Variants in CNTD1 observed in about 807,000 individuals in gnomAD.
CNTD1 encodes cyclin N-terminal domain-containing protein 1.
Under a neutral mutation model 36.3 loss-of-function variants are expected in CNTD1, and 17 were observed. The observed-to-expected ratio is 0.47, with a 90% CI of 0.32 to 0.70. CNTD1 has a LOEUF of 0.70. Among genes scored for constraint, CNTD1 ranks in the 30% least tolerant of loss-of-function variants. The pLI, the probability that CNTD1 is intolerant of heterozygous loss-of-function variation, is 0.03. For synonymous variants in CNTD1, 128 were observed against 153.3 expected (o/e 0.83, Z 1.22); for missense variants, 338 against 386.1 (o/e 0.88, Z 1.04).
chr17:42,809,222 G>C, intron 6 of CNTD1, 143 bp from the exon 7 acceptor site: 1 of 724,368 alleles, frequency 1.4e-6, no homozygotes, highest in East Asian at 2.7e-5. Flanking sequence ...ATATAATTTG[G>C]CCATTGGCAA....
At chr17:42,806,226 C>CA (rs34561225) in intron 4 of CNTD1, among the ~76,000 whole-genome samples, 10,287 of 129,340 alleles carry the variant, frequency 0.08, 1,108 homozygotes, top group African/African-American at 0.25. Context: ...GACTCCTTCT[C>CA]AAAAAAAAAA....
intron 5 of CNTD1, 24 bp downstream of exon 5, chr17:42,806,842 G>A: frequency 6.2e-7 from 1 of 1,612,094 alleles, no homozygotes; most frequent in Admixed American, 1.7e-5. Context: ...TATAGGGTAG[G>A]CTCCTTCCAG....
At position 42,799,752 on chromosome 17, in the gene CNTD1, C is replaced by CAAAAAAA. The variant is rs780393099; in HGVS notation, c.169+541_169+547dup. On this transcript the variant is annotated intron_variant, in intron 1 of 6. Coordinates refer to ENST00000588408, the MANE Select transcript of CNTD1 (RefSeq NM_173478.3). ...AGACGACAAGAATGAAACTCCGTCTCAAAAAAAAAAAAAAAAAAAAAAAAA... is the reference window on the plus strand; with the variant it reads ...AGACGACAAGAATGAAACTCCGTCTCAAAAAAAAAAAAAAAAAAAAAAAAAAAAAAAA... 2.6e-3 allele frequency among the ~76,000 whole-genome samples: 28 copies of CAAAAAAA among 10,590 alleles called. 5 individuals carry two copies. Among genetic ancestry groups the CAAAAAAA allele is most frequent in the African/African-American group, 5.4e-3 (22 of 4,090 alleles). 6.9% of individuals were successfully genotyped at this position (10,590 alleles called of 152,430 possible).
At chr17:42,807,672 G>A (rs571225077) in intron 5 of CNTD1, 96 bp from the exon 6 acceptor site, 14 of 887,914 alleles carry the variant, frequency 1.6e-5, no homozygotes, top group African/African-American at 3.3e-5. Flanking sequence ...CAAGATGATC[G>A]ACACAAATAA....
intron 1 of CNTD1, among the ~76,000 whole-genome samples, chr17:42,802,540 A>G (rs191121079): frequency 1.3e-5 from 2 of 152,340 alleles, no homozygotes; most frequent in East Asian, 3.9e-4. Flanking sequence ...ACACAATTAT[A>G]TGTTCTAGGG....
intron 6 of CNTD1, among the ~76,000 whole-genome samples, chr17:42,808,383 T>C (rs2054915647): frequency 1.3e-5 from 2 of 151,456 alleles, no homozygotes; most frequent in East Asian, 3.9e-4. Flanking sequence ...GACCTGTCTC[T>C]ACCAAAAATT....
rs117018379 is a variant in CNTD1 at position 42,811,579 on chromosome 17, C to G, written c.*2044C>G. On this transcript the variant is annotated 3_prime_UTR_variant, in exon 7 of 7. Coordinates refer to ENST00000588408, the MANE Select transcript of CNTD1 (RefSeq NM_173478.3). Reference sequence around the variant, plus strand: ...CTTTCCCACCATTTATACTGTTTTGCCTCCATTATTACTGCTGCTTCAATT... The same window carrying G: ...CTTTCCCACCATTTATACTGTTTTGGCTCCATTATTACTGCTGCTTCAATT... 6.5e-7 allele frequency: 1 copy of G among 1,537,322 alleles called. No individual in the cohort carries two copies. The highest frequency in any genetic ancestry group is 8.8e-7 in the Non-Finnish European group (1 of 1,140,342).
chr17:42,801,520 T>A (rs369859312), intron 1 of CNTD1, among the ~76,000 whole-genome samples: 5,492 of 62,988 alleles, frequency 0.087, 381 homozygotes, highest in African/African-American at 0.22. Context: ...AATATATATA[T>A]ATATATATAT....
chr17:42,799,352 C>A, intron 1 of CNTD1, 116 bp downstream of exon 1: 1 of 1,174,014 alleles, frequency 8.5e-7, no homozygotes, highest in Non-Finnish European at 1.2e-6. Flanking sequence ...GCTAACACCT[C>A]TCTGTGGGGT....
intron 6 of CNTD1, 39 bp from the exon 7 acceptor site, chr17:42,809,326 G>T (rs1414557128): frequency 6.4e-7 from 1 of 1,562,378 alleles, no homozygotes; most frequent in East Asian, 2.3e-5. Context: ...AATGTGTTGA[G>T]ATTTTTTAGT....
In CNTD1 at chr17:42,803,067, G is replaced by A. The variant is rs141731200; in HGVS notation, c.170-553G>A. Among the ~76,000 whole-genome samples, 867 of 152,282 alleles carry A rather than the reference G, an allele frequency of 5.7e-3. 8 individuals are homozygous for A. The highest frequency in any genetic ancestry group is 0.019 in the African/African-American group (801 of 41,544). On this transcript the variant is annotated intron_variant, in intron 1 of 6. Transcript: ENST00000588408. ...GGCTCAGCCACCACAGATTTACCCAGCAAACTGGTGGTGGAGAGATGGTGT... is the reference window on the plus strand; with the variant it reads ...GGCTCAGCCACCACAGATTTACCCAACAAACTGGTGGTGGAGAGATGGTGT...
chr17:42,807,677 AAAT>A, intron 5 of CNTD1, 88 bp from the exon 6 acceptor site: 2 of 938,862 alleles, frequency 2.1e-6, no homozygotes, highest in Non-Finnish European at 3.4e-6. Flanking sequence ...TGATCGACAC[AAAT>A]AATTCATAGT....
At chr17:42,802,337 G>A (rs2054809729) in intron 1 of CNTD1, among the ~76,000 whole-genome samples, 1 of 152,116 alleles carries the variant, frequency 6.6e-6, no homozygotes, top group South Asian at 2.1e-4. Context: ...CAATAGCAAG[G>A]GAAAGGTGTA....
In CNTD1 at chr17:42,799,252, CG is replaced by C. The variant is rs2054730758; in HGVS notation, c.169+20del. 1.2e-6 allele frequency: 2 copies of C among 1,608,918 alleles called. No homozygotes were observed. The highest frequency in any genetic ancestry group is 1.7e-6 in the Non-Finnish European group (2 of 1,178,194). ...CAGATCGTGGGTGCGGCTGCAGGGCCGGGGTGCTGGGTTCTTGGGAGACTGG... is the reference window on the plus strand; with the variant it reads ...CAGATCGTGGGTGCGGCTGCAGGGCCGGGTGCTGGGTTCTTGGGAGACTGG... On this transcript the variant is annotated intron_variant, in intron 1 of 6. Transcript: ENST00000588408.
chr17:42,810,688 T>C lies in CNTD1; in HGVS notation c.*1153T>C, dbSNP rs915442603. On this transcript the variant is annotated 3_prime_UTR_variant, in exon 7 of 7. Transcript: ENST00000588408. ...TGTACTGTTTAATATTACCCGAATT[T>C]AATTTAAAACATGTTTGCAAACAAA... 3.4e-6 allele frequency: 5 copies of C among 1,473,924 alleles called. No individual in the cohort carries two copies. In the African/African-American group the frequency reaches 7.1e-5, roughly 21 times the overall value. The allele number at this position is 1,473,924 out of a possible 1,614,324, so 91.3% of individuals were successfully genotyped here.
At chr17:42,801,510 A>AAAAAATATAT (rs1289580717) in intron 1 of CNTD1, among the ~76,000 whole-genome samples, 1 of 54,344 alleles carries the variant, frequency 1.8e-5, no homozygotes, top group African/African-American at 1.0e-4. Context: ...AAAAAAAAAA[A>AAAAAATATAT]ATATATATAT....
chr17:42,803,997 C>A (rs959407651), intron 2 of CNTD1, among the ~76,000 whole-genome samples: 1 of 151,472 alleles, frequency 6.6e-6, no homozygotes, highest in Admixed American at 6.6e-5. Flanking sequence ...CTCCACACTT[C>A]GCACTTGGCT....
rs1454561509 is a variant in CNTD1, at chr17:42,811,175, G to A, written c.*1640G>A. The A allele has an allele frequency of 2.6e-6, 1 of 389,120 alleles. No individual in the cohort carries two copies. The highest frequency in any genetic ancestry group is 4.5e-6 in the Non-Finnish European group (1 of 221,362). 24.1% of individuals were successfully genotyped at this position (389,120 alleles called of 1,614,324 possible). A position where few individuals can be genotyped will look rare whatever the true frequency, so the allele number is the denominator to read the frequency against. Reference sequence around the variant, plus strand: ...AAGAGAAGAGAAGCCTGGAGTAGGGGTGAGTGAGGGTTACAGTACTTCTTG... The same window carrying A: ...AAGAGAAGAGAAGCCTGGAGTAGGGATGAGTGAGGGTTACAGTACTTCTTG... On this transcript the variant is annotated 3_prime_UTR_variant, in exon 7 of 7. Coordinates refer to ENST00000588408, the MANE Select transcript of CNTD1 (RefSeq NM_173478.3).
rs780289659 is a variant in CNTD1 at position 42,799,240 on chromosome 17, C to T, written c.169+4C>T. 1.2e-6 allele frequency: 2 copies of T among 1,611,560 alleles called. No homozygotes were observed. The highest frequency in any genetic ancestry group is 1.7e-6 in the Non-Finnish European group (2 of 1,179,114). ...TTCAGGGAGCCCCAGATCGTGGGTG[C>T]GGCTGCAGGGCCGGGGTGCTGGGTT... On this transcript the variant is annotated splice_donor_region_variant and intron_variant, in intron 1 of 6. Coordinates refer to ENST00000588408, the MANE Select transcript of CNTD1 (RefSeq NM_173478.3).
Sources: allele counts gnomAD v4.1 joint callset (sites outside exome capture counted in the v4.1 genomes callset), GRCh38; gene constraint gnomAD v4.1.1; transcripts MANE v1.5; gene names NCBI Gene and HGNC (gene_info 2026-07-23, HGNC 2026-07-21).